Variants in STAU1 observed in about 807,000 individuals in gnomAD.
STAU1 encodes the protein double-stranded RNA-binding protein Staufen homolog 1.
In STAU1, 13 loss-of-function variants were observed where a neutral mutation model predicts 62.9. The ratio of observed to expected loss-of-function variants is 0.21; its 90% CI spans 0.13 to 0.33. The LOEUF (loss-of-function observed/expected upper bound fraction) is 0.33, where lower values mean the gene tolerates loss of function less well. Among genes scored for constraint, STAU1 ranks in the 10% least tolerant of loss-of-function variants. STAU1 has a pLI of 1.00. For missense variants in STAU1, 571 were observed against 712.1 expected (o/e 0.80, Z 2.25); for synonymous variants, 269 against 265.1 (o/e 1.01, Z -0.14).
the STAU1 span, among the ~76,000 whole-genome samples, chr20:49,205,103 T>C: frequency 6.6e-6 from 1 of 152,168 alleles, no homozygotes; most frequent in Non-Finnish European, 1.5e-5. Flanking sequence ...TTAGCTGACC[T>C]GGTTATTTCT....
At chr20:49,180,319 CTTTT>C (rs10671718) in intron 1 of STAU1, among the ~76,000 whole-genome samples, 15 of 86,908 alleles carry the variant, frequency 1.7e-4, no homozygotes, top group African/African-American at 7.6e-4. Flanking sequence ...GACTACAGTT[CTTTT>C]TTTTTTTTTC....
chr20:49,158,052 C>T (rs746898022), intron 3 of STAU1, among the ~76,000 whole-genome samples: 5 of 151,822 alleles, frequency 3.3e-5, no homozygotes, highest in East Asian at 2.0e-4. Context: ...GAGGCAGAGG[C>T]GGGCAGATCA....
intron 1 of STAU1, among the ~76,000 whole-genome samples, chr20:49,187,314 T>G (rs2093800054): frequency 6.6e-6 from 1 of 152,172 alleles, no homozygotes; most frequent in Admixed American, 6.5e-5. Context: ...ATCCATCGTT[T>G]ACAGACTGTC....
intron 1 of STAU1, among the ~76,000 whole-genome samples, chr20:49,185,157 T>G (rs2093772392): frequency 6.6e-6 from 1 of 152,250 alleles, no homozygotes; most frequent in African/African-American, 2.4e-5. Flanking sequence ...TATCTTTTGC[T>G]TAATTCTTAA....
At chr20:49,185,290 G>T (rs890325160) in intron 1 of STAU1, among the ~76,000 whole-genome samples, 3 of 152,148 alleles carry the variant, frequency 2.0e-5, no homozygotes, top group Non-Finnish European at 4.4e-5. Flanking sequence ...GGGTTAAAAG[G>T]CAGGTCTCTG....
At chr20:49,159,216 C>G in intron 3 of STAU1, 2 of 966,784 alleles carry the variant, frequency 2.1e-6, no homozygotes, top group East Asian at 1.0e-4. Flanking sequence ...TTTCCCCATC[C>G]GGTGCTACCT....
the STAU1 span, among the ~76,000 whole-genome samples, chr20:49,208,970 C>CT: frequency 6.6e-6 from 1 of 150,946 alleles, no homozygotes; most frequent in African/African-American, 2.4e-5. Flanking sequence ...GTGTCTTACT[C>CT]TGTCACCCAT....
At chr20:49,151,137 G>A (rs1299556441) in intron 5 of STAU1, among the ~76,000 whole-genome samples, 1 of 152,180 alleles carries the variant, frequency 6.6e-6, no homozygotes, top group Non-Finnish European at 1.5e-5. Flanking sequence ...ATGATGGTCT[G>A]TTATGAGGCA....
Position 49,159,132 on chromosome 20 carries a change from C to A in STAU1, c.206-5061G>T, listed in dbSNP as rs1188439150. 8 of 1,085,940 alleles carry A rather than the reference C, an allele frequency of 7.4e-6. No individual in the cohort carries two copies. The African/African-American group carries it at 1.2e-4, about 17-fold the overall frequency. The allele number at this position is 1,085,940 out of a possible 1,614,324, so 67.3% of individuals were successfully genotyped here. ...TTGGTGATTGTCTCATGGATAAATGCTGAAGGGGAAAAAGCTAAAAAAAAA... is the reference window on the plus strand; with the variant it reads ...TTGGTGATTGTCTCATGGATAAATGATGAAGGGGAAAAAGCTAAAAAAAAA... On this transcript the variant is annotated intron_variant, in intron 3 of 13. Coordinates refer to ENST00000371856, the MANE Select transcript of STAU1 (RefSeq NM_017453.4).
At chr20:49,130,967 C>T (rs190465760) in intron 6 of STAU1, among the ~76,000 whole-genome samples, 22 of 152,186 alleles carry the variant, frequency 1.4e-4, no homozygotes, top group Admixed American at 3.3e-4. Context: ...CTGGAACCAC[C>T]GGGGAGACCT....
At chr20:49,132,381 T>C (rs903299520) in intron 6 of STAU1, among the ~76,000 whole-genome samples, 1 of 152,168 alleles carries the variant, frequency 6.6e-6, no homozygotes, top group Non-Finnish European at 1.5e-5. Flanking sequence ...GGATTGCATG[T>C]GGTGTGAGCA....
In STAU1 at chr20:49,129,280, A is replaced by ATTTTTTTT. The variant is rs71184264; in HGVS notation, c.610-4701_610-4694dup. Among the ~76,000 whole-genome samples the ATTTTTTTT allele has an allele frequency of 4.4e-4, 39 of 87,950 alleles. 2 individuals carry two copies. Among genetic ancestry groups the ATTTTTTTT allele is most frequent in the African/African-American group, 1.2e-3 (26 of 21,362 alleles). The allele number at this position is 87,950 out of a possible 152,430, so 57.7% of individuals were successfully genotyped here. On this transcript the variant is annotated intron_variant, in intron 6 of 13. Coordinates refer to ENST00000371856, the MANE Select transcript of STAU1 (RefSeq NM_017453.4). ...CCTGCTAGAATGACTTTAAAAAAAAATTTTTTTTTTTTTTTTTTTTTTTTT... is the reference window on the plus strand; with the variant it reads ...CCTGCTAGAATGACTTTAAAAAAAAATTTTTTTTTTTTTTTTTTTTTTTTTTTTTTTTT...
chr20:49,182,048 A>G (rs963395314), intron 1 of STAU1, among the ~76,000 whole-genome samples: 4 of 152,150 alleles, frequency 2.6e-5, no homozygotes, highest in Non-Finnish European at 5.9e-5. Context: ...TATTCAGAAG[A>G]CTAATTTTTA....
the STAU1 span, chr20:49,210,569 C>A: frequency 6.6e-6 from 3 of 452,804 alleles, no homozygotes; most frequent in Admixed American, 7.2e-5. Flanking sequence ...AAGCACACAG[C>A]TGTTTTCCTA....
At chr20:49,208,365 A>AT in the STAU1 span, among the ~76,000 whole-genome samples, 5 of 151,400 alleles carry the variant, frequency 3.3e-5, no homozygotes, top group African/African-American at 9.7e-5. Flanking sequence ...GCCTATATAT[A>AT]TATTTTTTTG....
chr20:49,120,272 G>A (rs775911765), intron 8 of STAU1, 144 bp from the exon 9 acceptor site: 1 of 877,398 alleles, frequency 1.1e-6, no homozygotes, highest in Non-Finnish European at 1.7e-6. Flanking sequence ...TTGTCTCTGA[G>A]AGCTAATTAT....
intron 5 of STAU1, among the ~76,000 whole-genome samples, chr20:49,149,399 C>T (rs2093201238): frequency 6.6e-6 from 1 of 152,138 alleles, no homozygotes; most frequent in South Asian, 2.1e-4. Context: ...TCACCCTACA[C>T]CTATTGCATT....
chr20:49,188,376 A>C (rs1375263352), upstream of STAU1: 4 of 151,396 alleles, frequency 2.6e-5, no homozygotes, highest in Non-Finnish European at 5.9e-5. Context: ...GTGACGGGGG[A>C]GGGGCAGGCG....
chr20:49,191,473 G>A (rs1226831515), upstream of STAU1, among the ~76,000 whole-genome samples: 1 of 149,884 alleles, frequency 6.7e-6, no homozygotes, highest in Non-Finnish European at 1.5e-5. Context: ...AGTCATGATG[G>A]TCCCTGGCCC....
Sources: gnomAD v4.1 joint callset for allele counts (sites outside exome capture counted in the v4.1 genomes callset) on GRCh38, gnomAD v4.1.1 for gene constraint, MANE v1.5 for transcripts, NCBI Gene and HGNC (gene_info 2026-07-23, HGNC 2026-07-21) for gene names.